The following SFI1 variants were observed in gnomAD, a reference collection of about 807,000 sequenced individuals.
The protein encoded by SFI1 is protein SFI1 homolog.
Under a neutral mutation model 207.5 loss-of-function variants are expected in SFI1, and 195 were observed. That is an observed-to-expected ratio of 0.94 (90% CI 0.84 to 1.06). SFI1 has a LOEUF of 1.06. Ranked by LOEUF, SFI1 falls within the 50% of genes least tolerant of loss-of-function variation. The pLI is 0.00. For missense variants in SFI1, 1,634 were observed against 1,588.0 expected, an observed-to-expected ratio of 1.03 and a Z score of -0.49; for synonymous variants, 630 against 598.9, an observed-to-expected ratio of 1.05 and a Z score of -0.76.
intron 2 of SFI1, among the ~76,000 whole-genome samples, chr22:31,512,439 A>G (rs142380469): frequency 6.8e-6 from 1 of 148,030 alleles, no homozygotes; most frequent in Admixed American, 6.8e-5. Flanking sequence ...TCAGTTTTTA[A>G]ATTCCTTTTT....
At chr22:31,570,456 C>T (rs912164798) in intron 8 of SFI1, among the ~76,000 whole-genome samples, 1 of 152,162 alleles carries the variant, frequency 6.6e-6, no homozygotes, top group African/African-American at 2.4e-5. Context: ...ACTCTATCTT[C>T]AGCCTGATAG....
chr22:31,568,206 G>C lies in SFI1; in HGVS notation c.766-4852G>C, dbSNP rs945567047. ...GTGTGTGTGTGTGTTGTGTGTGTGT[G>C]TGTGTATATATATATATATATTTTT... On this transcript the variant is annotated intron_variant, in intron 8 of 32. Transcript: ENST00000400288. Among the ~76,000 whole-genome samples, 56 of 136,780 alleles carry C rather than the reference G, an allele frequency of 4.1e-4. 1 individual carries two copies. Among genetic ancestry groups the C allele is most frequent in the African/African-American group, 1.5e-3 (54 of 36,288 alleles). 89.7% of individuals were successfully genotyped at this position (136,780 alleles called of 152,430 possible). A position where few individuals can be genotyped will look rare whatever the true frequency, so the allele number is the denominator to read the frequency against.
chr22:31,549,722 T>G (rs2147981509), intron 5 of SFI1, among the ~76,000 whole-genome samples: 1 of 152,134 alleles, frequency 6.6e-6, no homozygotes, highest in East Asian at 1.9e-4. Context: ...AAGTCAAGCC[T>G]TTTCTTCCTC....
chr22:31,606,701 T>C (rs1310682799), intron 21 of SFI1: 106 of 229,768 alleles, frequency 4.6e-4, no homozygotes, highest in South Asian at 3.1e-3. Flanking sequence ...TTCTTTTTTT[T>C]TTTTTTTTTT....
At chr22:31,503,155 AGGGACAAGTCTGCTTTTTCATTGAT>A (rs1225227118) in intron 1 of SFI1, among the ~76,000 whole-genome samples, 1 of 151,500 alleles carries the variant, frequency 6.6e-6, no homozygotes, top group African/African-American at 2.4e-5. Context: ...AGGGTAATCT[AGGGACAAGTCTGCTTTTTCATTGAT>A]GGAGAGTAAG....
At chr22:31,565,184 C>T (rs995213629) in intron 8 of SFI1, among the ~76,000 whole-genome samples, 1 of 152,002 alleles carries the variant, frequency 6.6e-6, no homozygotes, top group Admixed American at 6.6e-5. Context: ...TCCCTCCGTC[C>T]CTTCTACTGC....
intron 5 of SFI1, 51 bp downstream of exon 5, chr22:31,547,022 T>C (rs770894138): frequency 1.5e-6 from 2 of 1,301,896 alleles, no homozygotes; most frequent in Non-Finnish European, 2.2e-6. Context: ...CATTATCAGA[T>C]GATTATTTGT....
rs1456469409 is a variant in SFI1 at position 31,612,391 on chromosome 22, AAAAAAAAATATAT to A, written c.2490+553_2490+565del. The stretch of plus-strand genomic sequence containing the variant: ...CGAGACTCTGTCTAAAAAAAAAAAA[AAAAAAAAATATAT>A]ATATATATATATATATATATATAAT... On this transcript the variant is annotated intron_variant, in intron 24 of 32. Transcript: ENST00000400288. 4.2e-5 allele frequency: 5 copies of A among 119,550 alleles called. 2 individuals carry two copies. In the East Asian group the frequency reaches 1.5e-3, roughly 37 times the overall value. 7.4% of individuals were successfully genotyped at this position (119,550 alleles called of 1,614,324 possible).
At position 31,617,090 on chromosome 22, in the gene SFI1, G is replaced by A. The variant is rs779547791; in HGVS notation, c.3512+12G>A. On this transcript the variant is annotated intron_variant, in intron 31 of 32. Coordinates refer to ENST00000400288, the MANE Select transcript of SFI1 (RefSeq NM_001007467.3). ...AAGCAGAACCTCTGGTGAGCCCTGC[G>A]AAACGCCCTGCAGCCCTGGCTACAG... 1.1e-5 allele frequency: 18 copies of A among 1,613,586 alleles called. No homozygotes were observed. Among genetic ancestry groups the A allele is most frequent in the Admixed American group, 8.3e-5 (5 of 59,976 alleles).
chr22:31,615,356 C>A, intron 29 of SFI1, 77 bp downstream of exon 29: 1 of 1,305,174 alleles, frequency 7.7e-7, no homozygotes, highest in Non-Finnish European at 1.0e-6. Flanking sequence ...CATGCCACAG[C>A]TGTACTAGTT....
chr22:31,588,898 G>C (rs999163807), intron 14 of SFI1, among the ~76,000 whole-genome samples: 2 of 151,636 alleles, frequency 1.3e-5, no homozygotes, highest in African/African-American at 4.8e-5. Context: ...CAAAGTTTTG[G>C]ATCATGGAGA....
At position 31,602,277 on chromosome 22, in the gene SFI1, G is replaced by A. The variant is rs199950171; in HGVS notation, c.1610G>A (p.Arg537His). 441 of 1,613,764 alleles carry A rather than the reference G, an allele frequency of 2.7e-4. 4 individuals are homozygous for A. Among genetic ancestry groups the A allele is most frequent in the Non-Finnish European group, 8.5e-5 (100 of 1,179,902 alleles). Residue 537 changes from arginine to histidine, a missense_variant, in exon 16 of 33, where the codon CGC becomes CAC. Coordinates refer to ENST00000400288, the MANE Select transcript of SFI1 (RefSeq NM_001007467.3). ...AAGATGTTTCAGCATCGAGAAAACC[G>A]CCTGGCAGAGAGAATGGTAAATGGC... ...RQKMFQHRENRLAERMAILHA... is the reference protein window; with the variant it reads ...RQKMFQHRENHLAERMAILHA...
chr22:31,523,473 A>G (rs2057517355), intron 2 of SFI1, among the ~76,000 whole-genome samples: 1 of 152,232 alleles, frequency 6.6e-6, no homozygotes, highest in African/African-American at 2.4e-5. Context: ...CCATAAATTT[A>G]TTTTATGAAG....
In SFI1 at chr22:31,583,919, G is replaced by GA; in HGVS notation, c.1298dup (p.Glu434GlyfsTer121). On this transcript the variant is annotated frameshift_variant, in exon 13 of 33. Coordinates refer to ENST00000400288, the MANE Select transcript of SFI1 (RefSeq NM_001007467.3). LOFTEE classifies it high-confidence loss of function. ...ACCTCTGGCGGTCTCAGATTGAGCA[G>GA]AAAAAGGAAAGAGAGCTGCTCCCCT... The GA allele has an allele frequency of 1.2e-6, 2 of 1,614,148 alleles. No homozygotes were observed. The highest frequency in any genetic ancestry group is 1.7e-6 in the Non-Finnish European group (2 of 1,180,024).
intron 9 of SFI1, among the ~76,000 whole-genome samples, chr22:31,573,979 TTC>T (rs1369495458): frequency 6.6e-6 from 1 of 152,218 alleles, no homozygotes; most frequent in Non-Finnish European, 1.5e-5. Context: ...TTTGGATAGT[TTC>T]TGTTTGTCTC....
chr22:31,558,374 A>T (rs575536053), intron 7 of SFI1, among the ~76,000 whole-genome samples: 19 of 152,250 alleles, frequency 1.2e-4, no homozygotes, highest in East Asian at 7.7e-4. Flanking sequence ...CACACAAAAA[A>T]TTTTTTTAAA....
intron 10 of SFI1, among the ~76,000 whole-genome samples, chr22:31,576,911 C>T (rs1278321700): frequency 6.6e-6 from 1 of 152,196 alleles, no homozygotes; most frequent in Non-Finnish European, 1.5e-5. Context: ...TTCCAAAGTG[C>T]TGTGATTACA....
intron 2 of SFI1, among the ~76,000 whole-genome samples, chr22:31,510,191 G>A (rs2055283469): frequency 6.6e-6 from 1 of 151,438 alleles, no homozygotes; most frequent in Non-Finnish European, 1.5e-5. Flanking sequence ...GCTTTTTTTT[G>A]TAGGAAAAAT....
rs1393551150 is a variant in SFI1 at position 31,604,339 on chromosome 22, A to C, written c.1912A>C (p.Lys638Gln). 1 of 1,580,786 alleles carries C rather than the reference A, an allele frequency of 6.3e-7. No individual in the cohort carries two copies. Among genetic ancestry groups the C allele is most frequent in the Non-Finnish European group, 8.6e-7 (1 of 1,165,448 alleles). ...CLALRGAERQ[K>Q]LMRADLHHQH... Reference sequence around the variant, plus strand: ...GGCCCTGCGGGGAGCGGAGCGGCAGAAGCTGATGCGAGCAGACCTGCACCA... The same window carrying C: ...GGCCCTGCGGGGAGCGGAGCGGCAGCAGCTGATGCGAGCAGACCTGCACCA... The change falls in exon 19 of 33, where the codon AAG becomes CAG. Residue 638 changes from lysine to glutamine, a missense_variant. Lys to Gln is a moderately conservative substitution (Grantham distance 53). Transcript: ENST00000400288.
Sources: gnomAD v4.1 joint callset for allele counts (sites outside exome capture counted in the v4.1 genomes callset) on GRCh38, gnomAD v4.1.1 for gene constraint, MANE v1.5 for transcripts, NCBI Gene and HGNC (gene_info 2026-07-23, HGNC 2026-07-21) for gene names.